The following FBN1 variants were observed in gnomAD, a reference collection of about 807,000 sequenced individuals.
The protein encoded by FBN1 is fibrillin 1.
Under a neutral mutation model 365.1 loss-of-function variants are expected in FBN1, and 29 were observed. That is an observed-to-expected ratio of 0.08 (90% CI 0.06 to 0.11). The LOEUF is 0.11. FBN1 is among the 10% of genes least tolerant of loss of function. FBN1 has a pLI of 1.00. For synonymous variants in FBN1, 1,210 were observed against 1,270.5 expected, an observed-to-expected ratio of 0.95 and a Z score of 1.01; for missense variants, 2,476 against 3,703.2, an observed-to-expected ratio of 0.67 and a Z score of 8.60.
At chr15:48,633,060 G>A (rs996021996) in intron 2 of FBN1, among the ~76,000 whole-genome samples, 26 of 152,278 alleles carry the variant, frequency 1.7e-4, no homozygotes, top group African/African-American at 6.3e-4. Context: ...AACCCCATCA[G>A]AAAGGGAGAG....
intron 17 of FBN1, 40 bp from the exon 18 acceptor site, chr15:48,499,078 G>A (rs2043634044): frequency 6.2e-7 from 1 of 1,601,982 alleles, no homozygotes; most frequent in Non-Finnish European, 8.6e-7. Flanking sequence ...TCCCTTGTTT[G>A]CAGAACAGGT....
chr15:48,473,824 T>C (rs552576843), intron 34 of FBN1, among the ~76,000 whole-genome samples: 1 of 151,336 alleles, frequency 6.6e-6, no homozygotes, highest in South Asian at 2.1e-4. Context: ...AAAATAATAA[T>C]AAATAAAGGC....
At chr15:48,619,654 T>C (rs928683433) in intron 2 of FBN1, among the ~76,000 whole-genome samples, 1 of 152,174 alleles carries the variant, frequency 6.6e-6, no homozygotes, top group Non-Finnish European at 1.5e-5. Flanking sequence ...CACAACCGGA[T>C]ACATCAGGAC....
At position 48,465,500 on chromosome 15, in the gene FBN1, C is replaced by T. The variant is rs538550182; in HGVS notation, c.4942+68G>A. The T allele has an allele frequency of 3.4e-5, 53 of 1,572,168 alleles. No individual in the cohort carries two copies. In the South Asian group the frequency reaches 5.2e-4, roughly 16 times the overall value. On this transcript the variant is annotated intron_variant, in intron 40 of 65. Coordinates refer to ENST00000316623, the MANE Select transcript of FBN1 (RefSeq NM_000138.5). ...TGCTAAATTCTATTTTCCTAGTAAC[C>T]ATATTCTGGTTTTGCAGGTCAGTTC...
chr15:48,489,324 T>C (rs1177880269), intron 25 of FBN1, among the ~76,000 whole-genome samples: 2 of 149,956 alleles, frequency 1.3e-5, no homozygotes, highest in South Asian at 2.1e-4. Flanking sequence ...GCTGGGATTA[T>C]AGGCATGAGC....
chr15:48,445,135 TAC>T (rs1004604996), intron 48 of FBN1, among the ~76,000 whole-genome samples: 77 of 138,438 alleles, frequency 5.6e-4, no homozygotes, highest in Non-Finnish European at 2.3e-4. Context: ...TATATATATA[TAC>T]ACACACACAT....
At chr15:48,508,848 C>T in intron 14 of FBN1, 144 bp from the exon 15 acceptor site, 7 of 995,146 alleles carry the variant, frequency 7.0e-6, no homozygotes, top group Non-Finnish European at 1.0e-5. Flanking sequence ...CAAATAAGAT[C>T]ATCTAAGGAA....
At chr15:48,617,531 T>G (rs1351612648) in intron 2 of FBN1, among the ~76,000 whole-genome samples, 1 of 152,218 alleles carries the variant, frequency 6.6e-6, no homozygotes, top group African/African-American at 2.4e-5. Context: ...GGAAAATACA[T>G]TTATATTCCA....
At chr15:48,644,164 C>T (rs1243662564) in intron 2 of FBN1, 2 of 178,770 alleles carry the variant, frequency 1.1e-5, no homozygotes, top group Non-Finnish European at 2.4e-5. Flanking sequence ...TGTGTGATTT[C>T]TCCTCTGACT....
chr15:48,432,812 T>TC (rs2043033829), intron 55 of FBN1, 54 bp downstream of exon 55: 5 of 1,604,122 alleles, frequency 3.1e-6, no homozygotes, highest in Non-Finnish European at 4.3e-6. Flanking sequence ...GAGGGACATC[T>TC]CCCCTCACAG....
At chr15:48,425,524 T>C (rs896868860) in intron 59 of FBN1, 33 bp from the exon 60 acceptor site, 3 of 1,613,872 alleles carry the variant, frequency 1.9e-6, no homozygotes, top group Non-Finnish European at 2.5e-6. Flanking sequence ...TGACTGTGCA[T>C]CTAAAAATGA....
intron 24 of FBN1, among the ~76,000 whole-genome samples, chr15:48,491,224 T>G (rs1457455110): frequency 2.0e-5 from 3 of 152,228 alleles, no homozygotes; most frequent in Non-Finnish European, 4.4e-5. Flanking sequence ...GGCTTTGAAT[T>G]CCCGGTTCCA....
intron 2 of FBN1, among the ~76,000 whole-genome samples, chr15:48,632,703 A>G (rs1011909985): frequency 9.2e-5 from 14 of 152,176 alleles, no homozygotes; most frequent in African/African-American, 3.4e-4. Context: ...CCCACTACCC[A>G]CAGCCAGGCT....
intron 8 of FBN1, among the ~76,000 whole-genome samples, chr15:48,532,506 A>ATGTGTGTGTGTGTGTGTGTG (rs528870539): frequency 8.0e-5 from 12 of 149,724 alleles, no homozygotes; most frequent in South Asian, 4.2e-4. Flanking sequence ...ATATATGTGT[A>ATGTGTGTGTGTGTGTGTGTG]TGTGTGTGTG....
chr15:48,534,235 A>AAG, intron 7 of FBN1, 30 bp from the exon 8 acceptor site: 1 of 1,599,570 alleles, frequency 6.3e-7, no homozygotes, highest in Non-Finnish European at 8.5e-7. Flanking sequence ...AGAGAGAAAA[A>AAG]AAAAAAACTC....
rs1427255194 is a variant in FBN1, at chr15:48,633,950, A to C, written c.164+10656T>G. On this transcript the variant is annotated intron_variant, in intron 2 of 65. Coordinates refer to ENST00000316623, the MANE Select transcript of FBN1 (RefSeq NM_000138.5). ...TGTTCCTGGACCTTCTCTGGGCCTC[A>C]GTTTCAGTATTTATACATTTCTAAA... Among the ~76,000 whole-genome samples the C allele has an allele frequency of 4.6e-5, 7 of 152,208 alleles. No individual in the cohort carries two copies. The East Asian group carries it at 5.8e-4, about 13-fold the overall frequency.
At chr15:48,625,303 G>A (rs538589250) in intron 2 of FBN1, among the ~76,000 whole-genome samples, 15 of 152,278 alleles carry the variant, frequency 9.9e-5, no homozygotes, top group African/African-American at 3.6e-4. Flanking sequence ...CTGGGAACCT[G>A]ACCACAACTT....
At chr15:48,523,513 T>A (rs1294815565) in intron 9 of FBN1, among the ~76,000 whole-genome samples, 2 of 152,230 alleles carry the variant, frequency 1.3e-5, no homozygotes, top group African/African-American at 2.4e-5. Flanking sequence ...ATTTTTCTAA[T>A]TTATTTTTTT....
chr15:48,554,970 C>G (rs762574526), intron 6 of FBN1, among the ~76,000 whole-genome samples: 2 of 152,100 alleles, frequency 1.3e-5, no homozygotes, highest in Non-Finnish European at 2.9e-5. Context: ...ATAGAAAAAA[C>G]CTTTATACCC....
Sources: gnomAD v4.1 joint callset for allele counts (sites outside exome capture counted in the v4.1 genomes callset) on GRCh38, gnomAD v4.1.1 for gene constraint, MANE v1.5 for transcripts, NCBI Gene and HGNC (gene_info 2026-07-23, HGNC 2026-07-21) for gene names.